The following IL6ST variants were observed in gnomAD, a reference collection of about 807,000 sequenced individuals.
The protein encoded by IL6ST is interleukin 6 cytokine family signal transducer.
Under a neutral mutation model 91.3 loss-of-function variants are expected in IL6ST, and 24 were observed. The ratio of observed to expected loss-of-function variants is 0.26; its 90% confidence interval spans 0.19 to 0.37. The LOEUF (loss-of-function observed/expected upper bound fraction) is 0.37, where lower values mean the gene tolerates loss of function less well. Among genes scored for constraint, IL6ST ranks in the 10% least tolerant of loss-of-function variants. The pLI is 1.00. For synonymous variants in IL6ST, 351 were observed against 373.6 expected (o/e 0.94, Z 0.70); for missense variants, 914 against 1,078.5 (o/e 0.85, Z 2.14).
In IL6ST at chr5:55,969,850, G is replaced by A. The variant is rs1752860929; in HGVS notation, c.70C>T (p.Leu24Phe). ...IFLTTESTGE[L>F]LDPCGYISPE... ...CTGATATAACCACATGGATCTAGAA[G>A]TTCACCTAAAAAGGAACAATAGAAA... Residue 24 changes from leucine to phenylalanine, a missense_variant, in exon 4 of 17, where the codon CTT becomes TTT. Physicochemically the swap from Leu to Phe is conservative, Grantham distance 22 (BLOSUM62 0). Coordinates refer to ENST00000381298, the MANE Select transcript of IL6ST (RefSeq NM_002184.4). 6.3e-7 allele frequency: 1 copy of A among 1,582,054 alleles called. No homozygotes were observed. Among genetic ancestry groups the A allele is most frequent in the Admixed American group, 1.8e-5 (1 of 56,640 alleles).
chr5:55,959,504 C>T lies in IL6ST; in HGVS notation c.973+898G>A, dbSNP rs561855150. On this transcript the variant is annotated intron_variant, in intron 8 of 16. Coordinates refer to ENST00000381298, the MANE Select transcript of IL6ST (RefSeq NM_002184.4). ...CTATGCCACGGGATTATTTCTTGAA[C>T]TTAGTAACATCAGATGCTTTGCAGT... 21 of 350,956 alleles carry T rather than the reference C, an allele frequency of 6.0e-5. No individual in the cohort carries two copies. The East Asian group carries it at 1.4e-3, about 23-fold the overall frequency. The allele number at this position is 350,956 out of a possible 1,614,324, so 21.7% of individuals were successfully genotyped here.
intron 2 of IL6ST, among the ~76,000 whole-genome samples, chr5:55,976,882 C>T (rs538507625): frequency 6.6e-6 from 1 of 152,244 alleles, no homozygotes; most frequent in East Asian, 1.9e-4. Flanking sequence ...CAAAATGATA[C>T]AGACACTCTG....
Position 55,936,553 on chromosome 5 carries a change from A to C in IL6ST, c.*4529T>G. 2 of 205,886 alleles carry C rather than the reference A, an allele frequency of 9.7e-6. No individual in the cohort carries two copies. The highest frequency in any genetic ancestry group is 2.0e-5 in the Non-Finnish European group (2 of 100,840). 12.8% of individuals were successfully genotyped at this position (205,886 alleles called of 1,614,324 possible). ...TCACAAAACCCACACGAAGCATCTC[A>C]TTTACACTAAGATGCTTATTTAGCT... is the stretch of plus-strand genomic sequence containing the variant. On this transcript the variant is annotated 3_prime_UTR_variant, in exon 17 of 17. Coordinates refer to ENST00000381298, the MANE Select transcript of IL6ST (RefSeq NM_002184.4).
At chr5:55,954,778 A>G (rs752402306) in intron 11 of IL6ST, 32 bp downstream of exon 11, 13 of 1,510,242 alleles carry the variant, frequency 8.6e-6, no homozygotes, top group South Asian at 5.0e-5. Context: ...TAGAAAAAGG[A>G]TATCAATTTA....
rs1554022476 is a variant in IL6ST at position 55,940,133 on chromosome 5, G to GTATATGTGTGTGTA, written c.*948_*949insTACACACACATATA. The GTATATGTGTGTGTA allele has an allele frequency of 0.03, 5,496 of 182,060 alleles. 79 individuals are homozygous for GTATATGTGTGTGTA. Among genetic ancestry groups the GTATATGTGTGTGTA allele is most frequent in the East Asian group, 0.079 (932 of 11,764 alleles). 11.3% of individuals were successfully genotyped at this position (182,060 alleles called of 1,614,324 possible). On this transcript the variant is annotated 3_prime_UTR_variant, in exon 17 of 17. Coordinates refer to ENST00000381298, the MANE Select transcript of IL6ST (RefSeq NM_002184.4). ...TAAGAAAAGTCAATGATATGTGTGT[G>GTATATGTGTGTGTA]TATATATATATATATATATACACAC...
rs1358345441 is a variant in IL6ST, at chr5:55,968,229, G to A, written c.491+47C>T. ...GTAAAATAAAAATTCCAGCAAAAAT[G>A]ACTAACTTTAATAAATCTAACATGA... is the stretch of plus-strand genomic sequence containing the variant. On this transcript the variant is annotated intron_variant, in intron 5 of 16. Coordinates refer to ENST00000381298, the MANE Select transcript of IL6ST (RefSeq NM_002184.4). 8.2e-6 allele frequency: 12 copies of A among 1,460,550 alleles called. No individual in the cohort carries two copies. In the Admixed American group the frequency reaches 2.8e-4, roughly 34 times the overall value. The allele number at this position is 1,460,550 out of a possible 1,614,324, so 90.5% of individuals were successfully genotyped here.
chr5:55,943,921 C>G (rs1045944677), intron 15 of IL6ST, among the ~76,000 whole-genome samples: 4 of 151,856 alleles, frequency 2.6e-5, no homozygotes, highest in African/African-American at 9.7e-5. Flanking sequence ...ACTAAAAATA[C>G]AAAAAAATTA....
At chr5:55,976,993 C>T (rs1753330316) in intron 2 of IL6ST, among the ~76,000 whole-genome samples, 1 of 152,114 alleles carries the variant, frequency 6.6e-6, no homozygotes, top group Non-Finnish European at 1.5e-5. Flanking sequence ...CATATGCCCA[C>T]AATAAGACTT....
At chr5:55,960,894 G>A (rs1244760681) in intron 7 of IL6ST, among the ~76,000 whole-genome samples, 1 of 152,058 alleles carries the variant, frequency 6.6e-6, no homozygotes, top group African/African-American at 2.4e-5. Flanking sequence ...GCCTCCCAAA[G>A]TGCCAGGATT....
chr5:55,957,927 A>G (rs1005948686), intron 8 of IL6ST, among the ~76,000 whole-genome samples: 1 of 152,248 alleles, frequency 6.6e-6, no homozygotes, highest in African/African-American at 2.4e-5. Context: ...TGGAAAATCT[A>G]TTTAAACACA....
At chr5:55,969,164 G>A (rs1486188786) in intron 4 of IL6ST, among the ~76,000 whole-genome samples, 3 of 149,116 alleles carry the variant, frequency 2.0e-5, no homozygotes, top group Admixed American at 1.3e-4. Context: ...TCCAGCCTGG[G>A]TGACAGAGCG....
intron 14 of IL6ST, among the ~76,000 whole-genome samples, chr5:55,947,827 A>G (rs1751368852): frequency 6.6e-6 from 1 of 152,146 alleles, no homozygotes; most frequent in Non-Finnish European, 1.5e-5. Context: ...AGCATAAAAT[A>G]TATGTTGGTT....
At chr5:55,972,428 T>C (rs991204489) in intron 3 of IL6ST, among the ~76,000 whole-genome samples, 1 of 151,336 alleles carries the variant, frequency 6.6e-6, no homozygotes, top group African/African-American at 2.4e-5. Context: ...AGGAGAATGG[T>C]GTGAACCCAG....
intron 1 of IL6ST, among the ~76,000 whole-genome samples, chr5:55,990,695 T>C (rs1353243833): frequency 3.3e-5 from 5 of 152,172 alleles, no homozygotes; most frequent in Non-Finnish European, 7.4e-5. Flanking sequence ...CTAAAAACAA[T>C]ACACCATAGG....
At chr5:55,966,427 C>T (rs62363898) in intron 5 of IL6ST, among the ~76,000 whole-genome samples, 3,927 of 152,272 alleles carry the variant, frequency 0.026, 74 homozygotes, top group Non-Finnish European at 0.038. Context: ...TGTCTTGATA[C>T]TGATTGAGTT....
rs748024777 is a variant in IL6ST at position 55,957,249 on chromosome 5, G to C, written c.1016C>G (p.Ser339Cys). 1 of 1,569,790 alleles carries C rather than the reference G, an allele frequency of 6.4e-7. No homozygotes were observed. The highest frequency in any genetic ancestry group is 2.3e-5 in the East Asian group (1 of 43,676). The part of the protein sequence containing the change: ...APSFWYKIDP[S>C]HTQGYRTVQL... ...TACAGTTCTGTAGCCTTGAGTATGGGATGGATCTATTTTATACCAGAAACT... is the reference window on the plus strand; with the variant it reads ...TACAGTTCTGTAGCCTTGAGTATGGCATGGATCTATTTTATACCAGAAACT... Residue 339 changes from serine (S) to cysteine (C), a missense_variant, in exon 9 of 17, where the codon TCC (serine) becomes TGC (cysteine). Coordinates refer to ENST00000381298, the MANE Select transcript of IL6ST (RefSeq NM_002184.4).
chr5:55,976,927 G>A (rs996469626), intron 2 of IL6ST, among the ~76,000 whole-genome samples: 8 of 152,086 alleles, frequency 5.3e-5, no homozygotes, highest in Admixed American at 2.6e-4. Flanking sequence ...CAAGTTAAAA[G>A]CACACCATAA....
chr5:55,973,586 G>A (rs139300406), intron 3 of IL6ST, among the ~76,000 whole-genome samples: 16 of 152,278 alleles, frequency 1.1e-4, no homozygotes, highest in Middle Eastern at 3.4e-3. Flanking sequence ...ACATATAAGC[G>A]AAGGAGTCTG....
At chr5:55,948,331 T>C (rs1751404719) in intron 14 of IL6ST, among the ~76,000 whole-genome samples, 2 of 152,200 alleles carry the variant, frequency 1.3e-5, no homozygotes, top group Admixed American at 1.3e-4. Flanking sequence ...CTGATTAATT[T>C]TGAATTTTAC....
Sources: allele counts gnomAD v4.1 joint callset (sites outside exome capture counted in the v4.1 genomes callset), GRCh38; gene constraint gnomAD v4.1.1; transcripts MANE v1.5; gene names NCBI Gene and HGNC (gene_info 2026-07-23, HGNC 2026-07-21).